The following SOX6 variants were observed in gnomAD, a reference collection of about 807,000 sequenced individuals.
SOX6 encodes transcription factor SOX-6.
SOX6 carries 11 observed loss-of-function variants against 97.8 expected under a neutral mutation model. That is an observed-to-expected ratio of 0.11 (90% CI 0.07 to 0.19). The LOEUF is 0.19. Among genes scored for constraint, SOX6 ranks in the 10% least tolerant of loss-of-function variants. The probability of loss-of-function intolerance (pLI) is 1.00; values close to 1 mark genes in which losing one functional copy is unlikely to be tolerated. For synonymous variants in SOX6, 360 were observed against 371.4 expected (o/e 0.97, Z 0.35); for missense variants, 810 against 1,039.5 (o/e 0.78, Z 3.04).
chr11:16,189,697 GA>G (rs78995025), intron 4 of SOX6, among the ~76,000 whole-genome samples: 74,272 of 151,868 alleles, frequency 0.49, 18,447 homozygotes, highest in Middle Eastern at 0.66. Flanking sequence ...GAATAGATTG[GA>G]AAGACATGAG....
At chr11:16,290,912 G>C (rs1267158663) in intron 3 of SOX6, among the ~76,000 whole-genome samples, 2 of 151,866 alleles carry the variant, frequency 1.3e-5, no homozygotes, top group Non-Finnish European at 2.9e-5. Flanking sequence ...CATATGCATG[G>C]GTGAAGTGGC....
intron 1 of SOX6, among the ~76,000 whole-genome samples, chr11:16,469,646 T>A (rs1436456614): frequency 6.6e-6 from 1 of 151,844 alleles, no homozygotes; most frequent in Admixed American, 6.6e-5. Flanking sequence ...CAATAAAGAG[T>A]AGCATTTTTG....
intron 4 of SOX6, among the ~76,000 whole-genome samples, chr11:16,497,635 G>A (rs1860624296): frequency 6.6e-6 from 1 of 152,184 alleles, no homozygotes; most frequent in South Asian, 2.1e-4. Flanking sequence ...ACCTGACAGA[G>A]CTGAAAACCA....
intron 3 of SOX6, among the ~76,000 whole-genome samples, chr11:16,302,687 A>C (rs1172726081): frequency 6.8e-6 from 1 of 147,508 alleles, no homozygotes; most frequent in African/African-American, 2.5e-5. Context: ...CTCCTGCCAC[A>C]GCCGCCTGTG....
chr11:15,977,742 G>A (rs1853531536), intron 15 of SOX6, among the ~76,000 whole-genome samples: 1 of 151,880 alleles, frequency 6.6e-6, no homozygotes, highest in Non-Finnish European at 1.5e-5. Flanking sequence ...TAGGCCTCTG[G>A]TGCTGTTCAG....
chr11:16,637,791 C>G (rs1848813904), intron 3 of SOX6, among the ~76,000 whole-genome samples: 1 of 152,072 alleles, frequency 6.6e-6, no homozygotes, highest in South Asian at 2.1e-4. Context: ...CTTTGGTCAC[C>G]ATCATTCCAG....
chr11:16,248,601 T>A (rs751632296), intron 3 of SOX6, among the ~76,000 whole-genome samples: 1 of 152,236 alleles, frequency 6.6e-6, no homozygotes, highest in Non-Finnish European at 1.5e-5. Flanking sequence ...TGAGCTGTAC[T>A]TTTGCCCCTT....
intron 6 of SOX6, among the ~76,000 whole-genome samples, chr11:16,172,826 T>C (rs191963099): frequency 2.6e-5 from 4 of 152,088 alleles, no homozygotes; most frequent in South Asian, 4.1e-4. Flanking sequence ...TAGGCAGGCA[T>C]AGACATCCTG....
chr11:16,151,591 T>C (rs1187337502), intron 6 of SOX6, among the ~76,000 whole-genome samples: 3 of 151,958 alleles, frequency 2.0e-5, no homozygotes, highest in Non-Finnish European at 2.9e-5. Context: ...TTTGGGAGAG[T>C]TTCACCCCAT....
At chr11:16,477,700 T>A (rs72873332), upstream of SOX6, among the ~76,000 whole-genome samples, 13,847 of 152,254 alleles carry the variant, frequency 0.091, 800 homozygotes, top group Non-Finnish European at 0.13. Context: ...AGTTTTTTTT[T>A]AAATCTTTTT....
At chr11:16,402,775 T>C in intron 1 of SOX6, 1 of 1,602,860 alleles carries the variant, frequency 6.2e-7, no homozygotes, top group Admixed American at 1.7e-5. Flanking sequence ...AAAAACAATC[T>C]ACTATTGTTA....
chr11:16,213,979 C>T (rs1852298368), intron 4 of SOX6, among the ~76,000 whole-genome samples: 1 of 152,082 alleles, frequency 6.6e-6, no homozygotes, highest in Non-Finnish European at 1.5e-5. Flanking sequence ...AAGACTTAGC[C>T]TTTTATGGCT....
chr11:16,088,972 T>G (rs1848628319), intron 9 of SOX6, among the ~76,000 whole-genome samples: 1 of 152,176 alleles, frequency 6.6e-6, no homozygotes, highest in Non-Finnish European at 1.5e-5. Flanking sequence ...GGGGAATTGC[T>G]GACAAGGCAT....
intron 3 of SOX6, among the ~76,000 whole-genome samples, chr11:16,629,729 T>C (rs1848678111): frequency 6.6e-6 from 1 of 152,026 alleles, no homozygotes; most frequent in Non-Finnish European, 1.5e-5. Context: ...AGCTGAGGCT[T>C]TTTGTTTTTG....
intron 4 of SOX6, among the ~76,000 whole-genome samples, chr11:16,212,952 GT>G (rs1378731399): frequency 1.3e-5 from 2 of 152,124 alleles, no homozygotes; most frequent in Admixed American, 6.5e-5. Context: ...CCAAAAAGCA[GT>G]ACTCTGAACA....
At chr11:16,602,743 C>T (rs981181397) in intron 4 of SOX6, among the ~76,000 whole-genome samples, 5 of 152,114 alleles carry the variant, frequency 3.3e-5, no homozygotes, top group Non-Finnish European at 7.4e-5. Context: ...AACCCTGGGC[C>T]GGGCGCGGCT....
chr11:16,130,304 T>C (rs1849708624), intron 6 of SOX6, among the ~76,000 whole-genome samples: 1 of 151,974 alleles, frequency 6.6e-6, no homozygotes, highest in African/African-American at 2.4e-5. Flanking sequence ...TAATATTGTA[T>C]TGTACACTGA....
chr11:15,980,647 T>C (rs1185844552), intron 15 of SOX6, among the ~76,000 whole-genome samples: 1 of 151,966 alleles, frequency 6.6e-6, no homozygotes, highest in Non-Finnish European at 1.5e-5. Context: ...ATTGAATATA[T>C]CCACATTTTC....
chr11:16,655,447 G>T (rs567516429), intron 3 of SOX6, among the ~76,000 whole-genome samples: 1 of 152,158 alleles, frequency 6.6e-6, no homozygotes, highest in African/African-American at 2.4e-5. Context: ...GTGACATAAA[G>T]GGCAAAAGAA....
Sources: allele counts gnomAD v4.1 joint callset (sites outside exome capture counted in the v4.1 genomes callset), GRCh38; gene constraint gnomAD v4.1.1; transcripts MANE v1.5; gene names NCBI Gene and HGNC (gene_info 2026-07-23, HGNC 2026-07-21).